YAE1: variants seen among roughly 807,000 people sequenced by gnomAD.
The protein encoded by YAE1 is YAE1 maturation factor of ABCE1.
YAE1 carries 22 observed loss-of-function variants against 23.0 expected under a neutral mutation model. The observed-to-expected ratio is 0.96, with a 90% CI of 0.68 to 1.37. The LOEUF is 1.37. Ranked by LOEUF, YAE1 falls within the 40% of genes most tolerant of loss-of-function variation. The pLI is 0.00. For missense variants in YAE1, 260 were observed against 262.1 expected (o/e 0.99, Z 0.06); for synonymous variants, 101 against 97.0 (o/e 1.04, Z -0.24).
chr7:39,594,342 G>T (rs917720996), intron 2 of YAE1, among the ~76,000 whole-genome samples: 3 of 152,140 alleles, frequency 2.0e-5, no homozygotes, highest in African/African-American at 7.2e-5. Flanking sequence ...TACATAACCT[G>T]TATGATTATG....
chr7:39,570,665 T>G, intron 2 of YAE1, 38 bp downstream of exon 2: 1 of 1,562,656 alleles, frequency 6.4e-7, no homozygotes, highest in Non-Finnish European at 8.6e-7. Context: ...CATTTTAACC[T>G]CAATACTACT....
At chr7:39,589,195 T>C (rs1201767323) in intron 2 of YAE1, among the ~76,000 whole-genome samples, 1 of 152,156 alleles carries the variant, frequency 6.6e-6, no homozygotes, top group African/African-American at 2.4e-5. Flanking sequence ...AAATTATTCA[T>C]TTACCTTACA....
intron 2 of YAE1, 43 bp from the exon 3 acceptor site, chr7:39,572,234 A>C (rs1342073768): frequency 6.5e-7 from 1 of 1,527,238 alleles, no homozygotes; most frequent in Non-Finnish European, 8.8e-7. Flanking sequence ...TATATTTTTA[A>C]GTCCTATTTT....
At position 39,566,557 on chromosome 7, in the gene YAE1, G is replaced by T; in HGVS notation, c.129+10G>T. On this transcript the variant is annotated intron_variant, in intron 1 of 2. Coordinates refer to ENST00000223273, the MANE Select transcript of YAE1 (RefSeq NM_020192.5). Reference sequence around the variant, plus strand: ...GCAAAGACGAGTCAAAGTAAACGTGGTGTGGACGGCGCGGGGTGCTGGGTT... The same window carrying T: ...GCAAAGACGAGTCAAAGTAAACGTGTTGTGGACGGCGCGGGGTGCTGGGTT... 6.2e-7 allele frequency: 1 copy of T among 1,613,536 alleles called. No homozygotes were observed. Among genetic ancestry groups the T allele is most frequent in the Non-Finnish European group, 8.5e-7 (1 of 1,179,680 alleles).
chr7:39,570,394 A>G, intron 1 of YAE1, 112 bp from the exon 2 acceptor site: 2 of 1,260,278 alleles, frequency 1.6e-6, no homozygotes, highest in Non-Finnish European at 2.2e-6. Flanking sequence ...TATGGTCAGT[A>G]ACACAGTAAA....
At chr7:39,588,217 A>C (rs1790848052) in intron 2 of YAE1, among the ~76,000 whole-genome samples, 1 of 152,248 alleles carries the variant, frequency 6.6e-6, no homozygotes, top group African/African-American at 2.4e-5. Context: ...AAAGTTTAGA[A>C]GAAGGAAAAA....
intron 2 of YAE1, among the ~76,000 whole-genome samples, chr7:39,588,942 C>T (rs1336375803): frequency 6.6e-6 from 1 of 152,000 alleles, no homozygotes. Flanking sequence ...CCTGCCTCAG[C>T]CTCCTGAATA....
downstream of YAE1, among the ~76,000 whole-genome samples, chr7:39,575,301 C>T (rs1562590410): frequency 6.6e-6 from 1 of 152,138 alleles, no homozygotes; most frequent in South Asian, 2.1e-4. Context: ...ACTTTTCTGA[C>T]ATTTTAGTTA....
At chr7:39,583,251 T>C (rs1583674458) in intron 2 of YAE1, among the ~76,000 whole-genome samples, 1 of 152,350 alleles carries the variant, frequency 6.6e-6, no homozygotes, top group East Asian at 1.9e-4. Context: ...GTGGACATAT[T>C]ATACAAAAAT....
chr7:39,572,513 A>C lies in YAE1; in HGVS notation c.488A>C (p.Asn163Thr). ...DEAKDERLCE[N>T]NAEFNKNCSK... ...GCTAAAGATGAAAGACTCTGTGAAA[A>C]TAATGCTGAGTTTAACAAAAACTGT... Residue 163 changes from asparagine (N) to threonine (T), a missense_variant, in exon 3 of 3, where the codon AAT (asparagine) becomes ACT (threonine). Transcript: ENST00000223273. 1 of 1,614,170 alleles carries C rather than the reference A, an allele frequency of 6.2e-7. No individual in the cohort carries two copies. The highest frequency in any genetic ancestry group is 8.5e-7 in the Non-Finnish European group (1 of 1,179,996).
At chr7:39,587,121 A>T (rs1056628744) in intron 2 of YAE1, among the ~76,000 whole-genome samples, 5 of 147,136 alleles carry the variant, frequency 3.4e-5, no homozygotes, top group African/African-American at 1.3e-4. Context: ...CAGTGGTGTG[A>T]TCTTGGCTCA....
intron 2 of YAE1, among the ~76,000 whole-genome samples, chr7:39,593,607 G>A (rs1358704849): frequency 1.3e-5 from 2 of 151,798 alleles, no homozygotes; most frequent in East Asian, 1.9e-4. Context: ...CTACAGTCAC[G>A]CACCACCATG....
Position 39,566,422 on chromosome 7 carries a change from T to A in YAE1, c.4T>A (p.Ser2Thr). Residue 2 changes from serine to threonine, a missense_variant, in exon 1 of 3, where the codon TCG becomes ACG. Physicochemically the swap from Ser to Thr is moderately conservative, Grantham distance 58 (BLOSUM62 1). Transcript: ENST00000223273. ...CGACCCCGTAATTGCCTCGGTGATG[T>A]CGTGGGTTCAAGCAGCCTCCTTGAT... is the stretch of plus-strand genomic sequence containing the variant. M[S>T]WVQAASLIQG... is the part of the protein sequence containing the mutation. 9 of 1,613,728 alleles carry A rather than the reference T, an allele frequency of 5.6e-6. No individual in the cohort carries two copies. The highest frequency in any genetic ancestry group is 1.7e-5 in the Admixed American group (1 of 59,998).
chr7:39,575,575 A>AGAGAGAGAGAGTGAGT (rs1339594299), downstream of YAE1, among the ~76,000 whole-genome samples: 4 of 81,788 alleles, frequency 4.9e-5, no homozygotes, highest in African/African-American at 1.5e-4. Context: ...AGAGAGAGAG[A>AGAGAGAGAGAGTGAGT]GAGTGAGTGT....
intron 1 of YAE1, among the ~76,000 whole-genome samples, chr7:39,568,952 A>G (rs1790521448): frequency 6.6e-6 from 1 of 152,178 alleles, no homozygotes; most frequent in South Asian, 2.1e-4. Context: ...ACAGTGGGCA[A>G]AGTTCCCATT....
Position 39,570,143 on chromosome 7 carries a change from C to G in YAE1, c.130-363C>G, listed in dbSNP as rs190538346. 2.4e-5 allele frequency: 19 copies of G among 804,458 alleles called. No individual in the cohort carries two copies. The Admixed American group carries it at 3.8e-4, about 16-fold the overall frequency. The allele number at this position is 804,458 out of a possible 1,614,324, so 49.8% of individuals were successfully genotyped here. Reference sequence around the variant, plus strand: ...CCGCCTGTGGGTCCAGGGAGCACCCCCAAGCAACAGTACCAGGACTGCCAG... The same window carrying G: ...CCGCCTGTGGGTCCAGGGAGCACCCGCAAGCAACAGTACCAGGACTGCCAG... On this transcript the variant is annotated intron_variant, in intron 1 of 2. Coordinates refer to ENST00000223273, the MANE Select transcript of YAE1 (RefSeq NM_020192.5).
chr7:39,612,008 A>G (rs773064521), downstream of YAE1, among the ~76,000 whole-genome samples: 1 of 152,246 alleles, frequency 6.6e-6, no homozygotes, highest in Non-Finnish European at 1.5e-5. Context: ...AATCTACCCA[A>G]TAATTGCAAC....
At chr7:39,570,140 C>T in intron 1 of YAE1, 2 of 815,828 alleles carry the variant, frequency 2.5e-6, no homozygotes, top group Admixed American at 2.0e-5. Flanking sequence ...CCAGGGAGCA[C>T]CCCCAAGCAA....
chr7:39,576,037 T>G (rs1473664648), downstream of YAE1, among the ~76,000 whole-genome samples: 1 of 152,240 alleles, frequency 6.6e-6, no homozygotes, highest in Non-Finnish European at 1.5e-5. Context: ...GTTTCACTGT[T>G]GGACCTCTTT....
Sources: allele counts gnomAD v4.1 joint callset (sites outside exome capture counted in the v4.1 genomes callset), GRCh38; gene constraint gnomAD v4.1.1; transcripts MANE v1.5; gene names NCBI Gene and HGNC (gene_info 2026-07-23, HGNC 2026-07-21).